The following BCAS4 variants were observed in gnomAD, a reference collection of about 807,000 sequenced individuals.
BCAS4 encodes the protein breast carcinoma-amplified sequence 4.
A neutral mutation model predicts 15.7 loss-of-function variants in BCAS4; 9 were observed. The observed-to-expected ratio is 0.57, with a 90% CI of 0.34 to 1.00. BCAS4 has a LOEUF of 1.00. Among genes scored for constraint, BCAS4 ranks in the 50% least tolerant of loss-of-function variants. BCAS4 has a pLI of 0.02. For missense variants in BCAS4, 225 were observed against 239.1 expected, an observed-to-expected ratio of 0.94 and a Z score of 0.39; for synonymous variants, 101 against 99.5, an observed-to-expected ratio of 1.02 and a Z score of -0.09.
At chr20:50,857,208 C>T (rs189566512) in intron 4 of BCAS4, among the ~76,000 whole-genome samples, 10 of 152,154 alleles carry the variant, frequency 6.6e-5, no homozygotes, top group South Asian at 2.1e-4. Context: ...CTCAGCTCAC[C>T]GCAACCTGGG....
intron 1 of BCAS4, among the ~76,000 whole-genome samples, chr20:50,806,437 A>T (rs1196764098): frequency 1.3e-5 from 2 of 152,144 alleles, no homozygotes; most frequent in Admixed American, 1.3e-4. Flanking sequence ...TTGATTACCA[A>T]TCACTGGATA....
intron 1 of BCAS4, among the ~76,000 whole-genome samples, chr20:50,796,306 C>A: frequency 6.9e-6 from 1 of 144,616 alleles, no homozygotes; most frequent in Admixed American, 7.0e-5. Context: ...GAGGCGGAGG[C>A]TGCAGTGAGC....
At chr20:50,841,014 G>A in intron 3 of BCAS4, 1 of 396,850 alleles carries the variant, frequency 2.5e-6, no homozygotes, top group Non-Finnish European at 4.8e-6. Context: ...ATTTTTAGCA[G>A]AGACGCAGTT....
intron 3 of BCAS4, chr20:50,840,601 C>T (rs916212210): frequency 2.2e-5 from 34 of 1,581,256 alleles, no homozygotes; most frequent in South Asian, 3.3e-5. Flanking sequence ...TGCATATTGA[C>T]GGCACACGCC....
intron 4 of BCAS4, among the ~76,000 whole-genome samples, chr20:50,868,475 T>A (rs1979466699): frequency 6.6e-6 from 1 of 152,226 alleles, no homozygotes; most frequent in Non-Finnish European, 1.5e-5. Flanking sequence ...CAGCCTATAG[T>A]GCAGTGGCAC....
intron 1 of BCAS4, among the ~76,000 whole-genome samples, chr20:50,802,287 C>T (rs1467886777): frequency 2.0e-5 from 3 of 152,212 alleles, no homozygotes; most frequent in Admixed American, 6.5e-5. Flanking sequence ...AGACCAGAGA[C>T]GGATGCTGCG....
At chr20:50,839,191 C>G (rs1390386151) in intron 3 of BCAS4, among the ~76,000 whole-genome samples, 1 of 152,154 alleles carries the variant, frequency 6.6e-6, no homozygotes, top group Non-Finnish European at 1.5e-5. Context: ...GAGGTGCTGC[C>G]TTGTCTGAGA....
intron 1 of BCAS4, 152 bp downstream of exon 1, chr20:50,795,325 G>A: frequency 4.4e-6 from 3 of 688,596 alleles, no homozygotes; most frequent in Non-Finnish European, 6.2e-6. Context: ...GGGGCGCCAC[G>A]CAGAGATGTG....
chr20:50,851,394 T>G lies in BCAS4; in HGVS notation c.399+9494T>G, dbSNP rs919387717. 3.3e-5 allele frequency among the ~76,000 whole-genome samples: 5 copies of G among 152,166 alleles called. No individual in the cohort carries two copies. Among genetic ancestry groups the G allele is most frequent in the Non-Finnish European group, 5.9e-5 (4 of 68,024 alleles). On this transcript the variant is annotated intron_variant, in intron 4 of 4. Coordinates refer to ENST00000371608, the MANE Select transcript of BCAS4 (RefSeq NM_198799.4). This position sits in a 1 kb window ranked among gnomAD's most constrained non-coding sequence, Gnocchi z 4.3. The stretch of plus-strand genomic sequence containing the variant: ...CTCCCAGGGACCTCCCGGGTTCGTT[T>G]CCTTCAAGGTCTTTGGTGGAGTGCT...
chr20:50,797,947 G>C (rs1055832037), intron 1 of BCAS4, among the ~76,000 whole-genome samples: 3 of 152,022 alleles, frequency 2.0e-5, no homozygotes, highest in African/African-American at 7.2e-5. Context: ...TTACAGGTGT[G>C]AGCCACTGTG....
intron 4 of BCAS4, among the ~76,000 whole-genome samples, chr20:50,853,231 G>A (rs144112696): frequency 3.7e-5 from 5 of 135,056 alleles, no homozygotes; most frequent in South Asian, 2.5e-4. Flanking sequence ...TGCAACCTCC[G>A]CCTCCCGGGT....
At chr20:50,807,700 T>G (rs769450586) in intron 1 of BCAS4, among the ~76,000 whole-genome samples, 2 of 152,196 alleles carry the variant, frequency 1.3e-5, no homozygotes, top group Non-Finnish European at 2.9e-5. Flanking sequence ...GTCCATTGTA[T>G]TATTTTTATG....
intron 4 of BCAS4, among the ~76,000 whole-genome samples, chr20:50,871,590 A>G (rs1311114104): frequency 6.6e-6 from 1 of 152,244 alleles, no homozygotes; most frequent in African/African-American, 2.4e-5. Context: ...AGGCTCATGA[A>G]CAGGAAAAGC....
Position 50,851,555 on chromosome 20 carries a change from G to A in BCAS4, c.399+9655G>A, listed in dbSNP as rs1200406017. On this transcript the variant is annotated intron_variant, in intron 4 of 4. Coordinates refer to ENST00000371608, the MANE Select transcript of BCAS4 (RefSeq NM_198799.4). This position sits in a 1 kb window ranked among gnomAD's most constrained non-coding sequence, Gnocchi z 4.3. ...ACAACAAGAAGTTTTCATTTTTGGG[G>A]GGGTGCTGTTTGTTGGGCCCTATGT... 6.6e-6 allele frequency among the ~76,000 whole-genome samples: 1 copy of A among 152,166 alleles called. No homozygotes were observed. Among genetic ancestry groups the A allele is most frequent in the Admixed American group, 6.5e-5 (1 of 15,280 alleles).
At chr20:50,855,208 G>A (rs959403902) in intron 4 of BCAS4, among the ~76,000 whole-genome samples, 9 of 152,162 alleles carry the variant, frequency 5.9e-5, no homozygotes, top group South Asian at 2.1e-4. Context: ...TGGAGATTTC[G>A]GCCTCTGGCT....
chr20:50,837,999 TACAC>T lies in BCAS4; in HGVS notation c.265-3747_265-3744del, dbSNP rs35171200. On this transcript the variant is annotated intron_variant, in intron 3 of 4. Coordinates refer to ENST00000371608, the MANE Select transcript of BCAS4 (RefSeq NM_198799.4). ...ACACACACACGCACACATCTGCACA[TACAC>T]ACACACACACACACACACATGACGT... Among the ~76,000 whole-genome samples the T allele has an allele frequency of 9.8e-3, 1,414 of 143,626 alleles. 29 individuals are homozygous for T. The highest frequency in any genetic ancestry group is 0.033 in the African/African-American group (1,346 of 40,190). 94.2% of individuals were successfully genotyped at this position (143,626 alleles called of 152,430 possible). A position where few individuals can be genotyped will look rare whatever the true frequency, so the allele number is the denominator to read the frequency against.
intron 4 of BCAS4, among the ~76,000 whole-genome samples, chr20:50,870,924 T>C (rs1979606025): frequency 6.6e-6 from 1 of 152,050 alleles, no homozygotes; most frequent in Non-Finnish European, 1.5e-5. Context: ...CTCACAGCCG[T>C]GTCAGGTTTC....
chr20:50,866,427 G>A (rs996807582), intron 4 of BCAS4, among the ~76,000 whole-genome samples: 2 of 152,234 alleles, frequency 1.3e-5, no homozygotes, highest in Non-Finnish European at 2.9e-5. Context: ...AGCGCATGTC[G>A]TGGCTGATGG....
intron 4 of BCAS4, among the ~76,000 whole-genome samples, chr20:50,872,580 AC>A (rs781455293): frequency 0.21 from 16,772 of 80,748 alleles, 1,304 homozygotes; most frequent in African/African-American, 0.51. Context: ...CAAAAAAGGA[AC>A]AAAAAAAAAA....
Sources: gnomAD v4.1 joint callset for allele counts (sites outside exome capture counted in the v4.1 genomes callset) on GRCh38, gnomAD v4.1.1 for gene constraint, Gnocchi (gnomAD v3.1) non-coding constraint, MANE v1.5 for transcripts, NCBI Gene and HGNC (gene_info 2026-07-23, HGNC 2026-07-21) for gene names.